ZIM2: variants seen among roughly 807,000 people sequenced by gnomAD.
ZIM2 encodes zinc finger imprinted 2, also known as zinc finger protein 656.
A neutral mutation model predicts 38.6 loss-of-function variants in ZIM2; 14 were observed. The observed-to-expected ratio is 0.36, with a 90% CI of 0.24 to 0.57. The LOEUF is 0.57. ZIM2 is among the 20% of genes least tolerant of loss of function. ZIM2 has a pLI of 0.81. For synonymous variants in ZIM2, 247 were observed against 245.8 expected (o/e 1.00, Z -0.04); for missense variants, 680 against 695.1 (o/e 0.98, Z 0.24).
In ZIM2 at chr19:56,830,660, A is replaced by G. The variant is rs116265942; in HGVS notation, c.-226-4197T>C. On this transcript the variant is annotated intron_variant, in intron 2 of 12. Coordinates refer to ENST00000629319, the MANE Select transcript of ZIM2 (RefSeq NM_001387356.1). ...TTTTGAACTACAAAACCTTATGAGTAAATACAGCAAGAGAAATAATTCCCA... is the reference window on the plus strand; with the variant it reads ...TTTTGAACTACAAAACCTTATGAGTGAATACAGCAAGAGAAATAATTCCCA... 6.4e-3 allele frequency among the ~76,000 whole-genome samples: 982 copies of G among 152,362 alleles called. 10 individuals carry two copies. The highest frequency in any genetic ancestry group is 0.023 in the African/African-American group (937 of 41,586).
chr19:56,815,354 G>A (rs368105379), intron 9 of ZIM2: 15 of 1,614,104 alleles, frequency 9.3e-6, no homozygotes, highest in Non-Finnish European at 1.1e-5. Context: ...CATTTGTTCC[G>A]CGCTTGCTCT....
intron 6 of ZIM2, 39 bp from the exon 7 acceptor site, chr19:56,821,793 G>A (rs776990904): frequency 6.2e-7 from 1 of 1,608,820 alleles, no homozygotes; most frequent in Non-Finnish European, 8.5e-7. Flanking sequence ...GCAGGGCCCA[G>A]TCCATCCTGC....
chr19:56,815,928 T>A lies in ZIM2; in HGVS notation c.490+1818A>T, dbSNP rs779026646. 74 of 1,607,316 alleles carry A rather than the reference T, an allele frequency of 4.6e-5. No homozygotes were observed. Among genetic ancestry groups the A allele is most frequent in the Non-Finnish European group, 5.9e-5 (69 of 1,176,630 alleles). ...GACTTCTTGGAGGTTTGGAAGCCAC[T>A]AAGCTATGGATAACAGACCTACTGT... On this transcript the variant is annotated intron_variant, in intron 9 of 12. Transcript: ENST00000629319.
At chr19:56,796,969 A>C (rs182710623) in intron 9 of ZIM2, among the ~76,000 whole-genome samples, 4 of 152,296 alleles carry the variant, frequency 2.6e-5, no homozygotes, top group Middle Eastern at 3.4e-3. Context: ...CGTGAGGGTG[A>C]GCTGAAAGCA....
At position 56,796,233 on chromosome 19, in the gene ZIM2, T is replaced by C. The variant is rs2047220277; in HGVS notation, c.491-6282A>G. 2.6e-5 allele frequency among the ~76,000 whole-genome samples: 4 copies of C among 152,208 alleles called. No individual in the cohort carries two copies. The South Asian group carries it at 8.3e-4, about 32-fold the overall frequency. On this transcript the variant is annotated intron_variant, in intron 9 of 12. Transcript: ENST00000629319. ...TGTAAAATGGCATAGTATTTGCATA[T>C]AATCTATGCACATGCTTAGGCATAC...
intron 9 of ZIM2, chr19:56,810,574 T>C (rs1298498739): frequency 1.1e-6 from 1 of 934,190 alleles, no homozygotes; most frequent in African/African-American, 1.8e-5. Context: ...GTATGTATTA[T>C]ATTTGTAATG....
At chr19:56,817,199 G>C (rs1280303504) in intron 9 of ZIM2, 4 of 1,614,166 alleles carry the variant, frequency 2.5e-6, no homozygotes, top group Non-Finnish European at 3.4e-6. Flanking sequence ...CATTCAAAGG[G>C]CTTCTTCCTG....
chr19:56,794,868 G>C (rs1261369084), intron 9 of ZIM2, among the ~76,000 whole-genome samples: 6 of 152,150 alleles, frequency 3.9e-5, no homozygotes, highest in African/African-American at 1.4e-4. Context: ...TGCCAATCAA[G>C]AGCATTATCA....
chr19:56,803,200 C>T (rs1396559495), intron 9 of ZIM2, among the ~76,000 whole-genome samples: 1 of 152,192 alleles, frequency 6.6e-6, no homozygotes, highest in Non-Finnish European at 1.5e-5. Flanking sequence ...TTATTGATGA[C>T]CCCCACATAA....
At chr19:56,821,518 C>T (rs2060484437) in intron 7 of ZIM2, 133 bp downstream of exon 7, 3 of 1,084,482 alleles carry the variant, frequency 2.8e-6, no homozygotes, top group South Asian at 3.0e-5. Flanking sequence ...GGCCCGGGCT[C>T]CTCCTGGAGC....
At position 56,832,064 on chromosome 19, in the gene ZIM2, A is replaced by C. The variant is rs565311219; in HGVS notation, c.-227+3954T>G. Among the ~76,000 whole-genome samples, 3 of 152,384 alleles carry C rather than the reference A, an allele frequency of 2.0e-5. No homozygotes were observed. The East Asian group carries it at 5.8e-4, about 29-fold the overall frequency. On this transcript the variant is annotated intron_variant, in intron 2 of 12. Transcript: ENST00000629319. Reference sequence around the variant, plus strand: ...ACTCACATAAACTTGTATTAAGACTATTCATAAAATAGAGGAAATCTATCA... The same window carrying C: ...ACTCACATAAACTTGTATTAAGACTCTTCATAAAATAGAGGAAATCTATCA...
In ZIM2 at chr19:56,779,474, T is replaced by C. The variant is rs746379778; in HGVS notation, c.740-2A>G. On this transcript the variant is annotated splice_acceptor_variant, in intron 11 of 12. Coordinates refer to ENST00000629319, the MANE Select transcript of ZIM2 (RefSeq NM_001387356.1). LOFTEE classifies it high-confidence loss of function. ...TGTCAGGTTTAGAGAACTGGTGCCC[T>C]GTTGGAGAGGAAGACTGAGAACTCA... is the stretch of plus-strand genomic sequence containing the variant. 2 of 1,613,712 alleles carry C rather than the reference T, an allele frequency of 1.2e-6. No individual in the cohort carries two copies. Among genetic ancestry groups the C allele is most frequent in the Non-Finnish European group, 1.7e-6 (2 of 1,179,800 alleles).
chr19:56,796,489 C>G (rs1388460878), intron 9 of ZIM2, among the ~76,000 whole-genome samples: 1 of 152,166 alleles, frequency 6.6e-6, no homozygotes, highest in Non-Finnish European at 1.5e-5. Context: ...AAGCTGGATG[C>G]CACTGCTGCA....
At position 56,823,674 on chromosome 19, in the gene ZIM2, T is replaced by C. The variant is rs35430215; in HGVS notation, c.22A>G (p.Asn8Asp). 20 of 1,614,048 alleles carry C rather than the reference T, an allele frequency of 1.2e-5. No homozygotes were observed. Among genetic ancestry groups the C allele is most frequent in the Middle Eastern group, 1.6e-4 (1 of 6,084 alleles). MYQPEDD[N>D]NSDVTSDDDM... ...TCGTCGCTGGTCACGTCACTGTTGT[T>C]GTCGTCTAAGAGGACACCGGTCGCC... The change falls in exon 5 of 13, where the codon AAC becomes GAC. Residue 8 changes from asparagine (N) to aspartate (D), a missense_variant. By Grantham distance (23) the Asn-to-Asp change is conservative (BLOSUM62 1). Coordinates refer to ENST00000629319, the MANE Select transcript of ZIM2 (RefSeq NM_001387356.1).
At chr19:56,828,878 G>A (rs1404005113) in intron 2 of ZIM2, among the ~76,000 whole-genome samples, 1 of 152,136 alleles carries the variant, frequency 6.6e-6, no homozygotes, top group Admixed American at 6.5e-5. Flanking sequence ...GATGAAAATT[G>A]ATGCTAGTGA....
intron 9 of ZIM2, chr19:56,798,322 T>A (rs977158123): frequency 1.3e-5 from 2 of 151,826 alleles, no homozygotes; most frequent in Non-Finnish European, 2.9e-5. Context: ...TGGATCTTTG[T>A]GTGTGTGTGT....
chr19:56,813,499 CTG>C lies in ZIM2; in HGVS notation c.490+4245_490+4246del, dbSNP rs1225463760. ...GACATCTGAAGGGGAAAGCTTAAGA[CTG>C]TGGAATCTGCACATTCGGTCTCTTT... On this transcript the variant is annotated intron_variant, in intron 9 of 12. Transcript: ENST00000629319. 11 of 1,424,246 alleles carry C rather than the reference CTG, an allele frequency of 7.7e-6. No individual in the cohort carries two copies. The East Asian group carries it at 2.8e-4, about 36-fold the overall frequency. The allele number at this position is 1,424,246 out of a possible 1,614,324, so 88.2% of individuals were successfully genotyped here.
At chr19:56,819,617 T>C (rs2060288132) in intron 7 of ZIM2, among the ~76,000 whole-genome samples, 1 of 152,176 alleles carries the variant, frequency 6.6e-6, no homozygotes, top group African/African-American at 2.4e-5. Flanking sequence ...GCACCAATTA[T>C]GAGCTATGCA....
chr19:56,815,400 G>A (rs1294548775), intron 9 of ZIM2: 39 of 1,614,050 alleles, frequency 2.4e-5, no homozygotes, highest in Admixed American at 3.3e-5. Flanking sequence ...TTGTTTGAGG[G>A]TCAGTAGGGG....
Sources: gnomAD v4.1 joint callset for allele counts (sites outside exome capture counted in the v4.1 genomes callset) on GRCh38, gnomAD v4.1.1 for gene constraint, MANE v1.5 for transcripts, NCBI Gene and HGNC (gene_info 2026-07-23, HGNC 2026-07-21) for gene names.